BCOR: variants seen among roughly 807,000 people sequenced by gnomAD.
The protein encoded by BCOR is BCL-6 corepressor.
BCOR carries 10 observed loss-of-function variants against 86.7 expected under a neutral mutation model. The ratio of observed to expected loss-of-function variants is 0.12; its 90% CI spans 0.07 to 0.20. BCOR has a LOEUF of 0.20. BCOR is among the 10% of genes least tolerant of loss of function. The pLI is 1.00. For synonymous variants in BCOR, 611 were observed against 609.0 expected, an observed-to-expected ratio of 1.00 and a Z score of -0.05; for missense variants, 1,259 against 1,452.1, an observed-to-expected ratio of 0.87 and a Z score of 2.16.
intron 1 of BCOR, among the ~76,000 whole-genome samples, chrX:40,142,765 T>C (rs1020403933): frequency 9.0e-6 from 1 of 111,671 alleles, no homozygotes; most frequent in Admixed American, 9.5e-5. Flanking sequence ...TTTCCATTTC[T>C]CCTTGATTTC....
intron 6 of BCOR, among the ~76,000 whole-genome samples, chrX:40,066,613 A>T (rs1278131698): frequency 8.9e-6 from 1 of 111,779 alleles, no homozygotes; most frequent in Admixed American, 9.4e-5. Flanking sequence ...TGTCCTAGTT[A>T]TATACTATTT....
chrX:40,084,713 A>G lies in BCOR; in HGVS notation c.-40-6744T>C, dbSNP rs60278069. Among the ~76,000 whole-genome samples, 45 of 34,947 alleles carry G rather than the reference A, an allele frequency of 1.3e-3. 1 individual carries two copies. The highest frequency in any genetic ancestry group is 4.7e-3 in the African/African-American group (33 of 6,993). 30.3% of individuals were successfully genotyped at this position (34,947 alleles called of 115,157 possible). ...AACGCCGTCGCCGCCACCCCCCCCCACCACCACCACCACCGAAGGGAACAA... is the reference window on the plus strand; with the variant it reads ...AACGCCGTCGCCGCCACCCCCCCCCGCCACCACCACCACCGAAGGGAACAA... On this transcript the variant is annotated intron_variant, in intron 1 of 14. Coordinates refer to ENST00000378444, the MANE Select transcript of BCOR (RefSeq NM_001123385.2).
At chrX:40,152,954 G>T (rs1938201493) in intron 1 of BCOR, among the ~76,000 whole-genome samples, 1 of 112,776 alleles carries the variant, frequency 8.9e-6, no homozygotes, top group African/African-American at 3.2e-5. Context: ...CAAAGTGGGG[G>T]GTGAAACCGC....
At position 40,145,471 on chromosome X, in the gene BCOR, C is replaced by T. The variant is rs377033884; in HGVS notation, c.-41+31536G>A. Among the ~76,000 whole-genome samples, 118 of 111,311 alleles carry T rather than the reference C, an allele frequency of 1.1e-3. 13 individuals carry two copies. The highest frequency in any genetic ancestry group is 7.2e-3 in the East Asian group (25 of 3,477). On this transcript the variant is annotated intron_variant, in intron 1 of 14. Transcript: ENST00000342274. ...ACCTCTACCATCCGGCAGGGCTTGGCCTTAAAGATCCCAGGCCCACACTCA... is the reference window on the plus strand; with the variant it reads ...ACCTCTACCATCCGGCAGGGCTTGGTCTTAAAGATCCCAGGCCCACACTCA...
intron 1 of BCOR, among the ~76,000 whole-genome samples, chrX:40,086,309 AAC>A (rs1384057165): frequency 4.4e-5 from 5 of 112,643 alleles, no homozygotes. Flanking sequence ...TTCAGTTAAT[AAC>A]ACATTCTTTC....
chrX:40,131,692 G>T, intron 1 of BCOR, among the ~76,000 whole-genome samples: 1 of 111,225 alleles, frequency 9.0e-6, no homozygotes, highest in East Asian at 2.8e-4. Flanking sequence ...GAGAAAAACG[G>T]TCCCTATGGC....
In BCOR at chrX:40,055,519, AAG is replaced by A; in HGVS notation, c.4596-8_4596-7del. 1 of 1,211,145 alleles carries A rather than the reference AAG, an allele frequency of 8.3e-7. No individual in the cohort carries two copies. On this transcript the variant is annotated splice_region_variant and splice_polypyrimidine_tract_variant and intron_variant, in intron 11 of 14. Transcript: ENST00000378444. Reference sequence around the variant, plus strand: ...CAACAGCATCGTGCAGAGGCCTAGGAAGAGAGGCGCAATAGAATTATGCTCAT... The same window carrying A: ...CAACAGCATCGTGCAGAGGCCTAGGAAGAGGCGCAATAGAATTATGCTCAT...
In BCOR at chrX:40,129,858, T is replaced by G. The variant is rs777425386; in HGVS notation, c.-41+47149A>C. On this transcript the variant is annotated intron_variant, in intron 1 of 14. Coordinates refer to the BCOR transcript ENST00000342274. ...GAGTTCGAGACCAGCCTGGACAACA[T>G]GACGAAACCCCGTCTCTACCAAAAA... Among the ~76,000 whole-genome samples the G allele has an allele frequency of 4.5e-5, 5 of 110,290 alleles. No individual in the cohort carries two copies. In the East Asian group the frequency reaches 1.4e-3, roughly 32 times the overall value.
In BCOR at chrX:40,118,429, A is replaced by AT. The variant is rs774083192; in HGVS notation, c.-40-40461dup. Among the ~76,000 whole-genome samples, 33 of 107,228 alleles carry AT rather than the reference A, an allele frequency of 3.1e-4. 1 individual carries two copies. The South Asian group carries it at 3.7e-3, about 12-fold the overall frequency. 93.1% of individuals were successfully genotyped at this position (107,228 alleles called of 115,157 possible). A position where few individuals can be genotyped will look rare whatever the true frequency, so the allele number is the denominator to read the frequency against. On this transcript the variant is annotated intron_variant, in intron 1 of 14. Coordinates refer to the BCOR transcript ENST00000342274. ...AGGCGCCCACCGCCGCACCTGGCTA[A>AT]TTTTTTTTTGTATTTTTAGTAGAGA...
At chrX:40,133,641 T>A (rs1254653247) in intron 1 of BCOR, among the ~76,000 whole-genome samples, 1 of 109,001 alleles carries the variant, frequency 9.2e-6, no homozygotes, top group East Asian at 2.9e-4. Context: ...TTTGTATTTT[T>A]AGTAGAGACG....
At chrX:40,054,374 T>G (rs1397700646) in intron 12 of BCOR, 41 bp from the exon 13 acceptor site, 6 of 1,076,174 alleles carry the variant, frequency 5.6e-6, no homozygotes, top group African/African-American at 1.8e-5. Context: ...TAAAATCTAC[T>G]GCTGAGAACA....
chrX:40,116,337 A>AAT (rs954209805), intron 1 of BCOR, among the ~76,000 whole-genome samples: 3 of 110,175 alleles, frequency 2.7e-5, no homozygotes, highest in African/African-American at 9.9e-5. Context: ...CTCTACTAAA[A>AAT]ATACAAAAAA....
intron 1 of BCOR, among the ~76,000 whole-genome samples, chrX:40,114,921 C>T (rs1432274753): frequency 5.3e-5 from 5 of 93,605 alleles, no homozygotes; most frequent in African/African-American, 8.1e-5. Flanking sequence ...GGTGAGATCT[C>T]GGCTCACTGC....
intron 1 of BCOR, among the ~76,000 whole-genome samples, chrX:40,132,871 C>T (rs1937616410): frequency 8.9e-6 from 1 of 112,166 alleles, no homozygotes; most frequent in Non-Finnish European, 1.9e-5. Flanking sequence ...TCAGCAGTGG[C>T]GTGTTAAAGA....
intron 1 of BCOR, among the ~76,000 whole-genome samples, chrX:40,081,519 C>A (rs1347363379): frequency 8.9e-6 from 1 of 112,297 alleles, no homozygotes; most frequent in Non-Finnish European, 1.9e-5. Context: ...GGCAAATGAC[C>A]TGATTTCAAT....
chrX:40,052,406 A>AT lies in BCOR; in HGVS notation c.4977-7_4977-6insA. ...GCAGTAGCCAGTTTCGTGGCCTACA[A>AT]AACAGAAAGGAAAATGCTTTGAGTT... On this transcript the variant is annotated splice_region_variant and splice_polypyrimidine_tract_variant and intron_variant, in intron 14 of 14. Coordinates refer to ENST00000378444, the MANE Select transcript of BCOR (RefSeq NM_001123385.2). The AT allele has an allele frequency of 8.3e-7, 1 of 1,208,504 alleles. No homozygotes were observed. Among genetic ancestry groups the AT allele is most frequent in the Non-Finnish European group, 1.1e-6 (1 of 892,764 alleles).
intron 5 of BCOR, 110 bp from the exon 6 acceptor site, chrX:40,071,269 C>A (rs2147184249): frequency 1.3e-6 from 1 of 760,596 alleles, no homozygotes; most frequent in Non-Finnish European, 1.9e-6. Context: ...TGCCCAAAAC[C>A]AACCACAGCT....
In BCOR at chrX:40,073,642, G is replaced by A; in HGVS notation, c.1704C>T (p.Ala568=). The A allele has an allele frequency of 8.2e-7, 1 of 1,212,482 alleles. No individual in the cohort carries two copies. The change falls in exon 4 of 15, where the codon GCC becomes GCT. Residue 568 remains alanine, a synonymous_variant. Transcript: ENST00000378444. ...TGGCATTGGGGGCGGGTGATGCGGA[G>A]GCTGGGCGGCCTGCACTCGACACTG... The part of the protein sequence containing the change: ...SGSVSSAGRP[A]SASPAPNANA...
At chrX:40,092,232 G>A (rs1207816458) in intron 1 of BCOR, among the ~76,000 whole-genome samples, 2 of 111,982 alleles carry the variant, frequency 1.8e-5, no homozygotes, top group Admixed American at 1.9e-4. Context: ...CAAGCCTCCC[G>A]CCCAGCGCGA....
Sources: gnomAD v4.1 joint callset for allele counts (sites outside exome capture counted in the v4.1 genomes callset) on GRCh38, gnomAD v4.1.1 for gene constraint, MANE v1.5 for transcripts, NCBI Gene and HGNC (gene_info 2026-07-23, HGNC 2026-07-21) for gene names.